SYTL5: variants seen among roughly 807,000 people sequenced by gnomAD.
The protein encoded by SYTL5 is synaptotagmin-like protein 5.
SYTL5 carries 34 observed loss-of-function variants against 55.9 expected under a neutral mutation model. That is an observed-to-expected ratio of 0.61 (90% confidence interval 0.46 to 0.81). The LOEUF is 0.81. Among genes scored for constraint, SYTL5 ranks in the 30% least tolerant of loss-of-function variants. The pLI, the probability that SYTL5 is intolerant of heterozygous loss-of-function variation, is 0.00. For synonymous variants in SYTL5, 221 were observed against 188.7 expected, an observed-to-expected ratio of 1.17 and a Z score of -1.40; for missense variants, 637 against 546.7, an observed-to-expected ratio of 1.17 and a Z score of -1.65.
chrX:37,919,551 C>T, the SYTL5 span, among the ~76,000 whole-genome samples: 2 of 111,791 alleles, frequency 1.8e-5, no homozygotes, highest in African/African-American at 6.5e-5. Flanking sequence ...TGTAAACTCA[C>T]CCTTGCTCTT....
chrX:38,002,007 C>T (rs1318529616), upstream of SYTL5, among the ~76,000 whole-genome samples: 1 of 109,421 alleles, frequency 9.1e-6, no homozygotes, highest in East Asian at 2.9e-4. Context: ...TAATGCTATC[C>T]CTCCCCACTC....
chrX:37,943,770 G>A, the SYTL5 span, among the ~76,000 whole-genome samples: 7 of 110,960 alleles, frequency 6.3e-5, no homozygotes, highest in African/African-American at 2.3e-4. Flanking sequence ...CTGGCAGTGT[G>A]GTCTTTAACA....
At chrX:38,095,485 A>T (rs1271220184) in intron 8 of SYTL5, among the ~76,000 whole-genome samples, 2 of 112,101 alleles carry the variant, frequency 1.8e-5, no homozygotes, top group Admixed American at 1.9e-4. Context: ...TGTGGAAATA[A>T]GCTGTCCTGA....
At chrX:37,916,917 G>T in the SYTL5 span, among the ~76,000 whole-genome samples, 4 of 111,165 alleles carry the variant, frequency 3.6e-5, no homozygotes, top group African/African-American at 1.3e-4. Flanking sequence ...AGGATCCCAC[G>T]CAGTCTTCAT....
intron 7 of SYTL5, among the ~76,000 whole-genome samples, chrX:38,090,653 G>A (rs922656285): frequency 1.8e-5 from 2 of 111,976 alleles, no homozygotes; most frequent in Admixed American, 9.6e-5. Flanking sequence ...CTATATGACA[G>A]GCTCTAGTCA....
intron 8 of SYTL5, 142 bp from the exon 9 acceptor site, chrX:38,095,992 C>A: frequency 2.7e-6 from 1 of 368,748 alleles, no homozygotes; most frequent in Non-Finnish European, 4.7e-6. Context: ...AAGTTACTGA[C>A]TCCGACTGTT....
intron 8 of SYTL5, among the ~76,000 whole-genome samples, chrX:38,095,441 T>C (rs1406517026): frequency 8.9e-6 from 1 of 112,016 alleles, no homozygotes; most frequent in Non-Finnish European, 1.9e-5. Context: ...AGTAACTATA[T>C]TGATCTCAGT....
chrX:38,003,787 C>G (rs1054060513), upstream of SYTL5, among the ~76,000 whole-genome samples: 2 of 111,899 alleles, frequency 1.8e-5, no homozygotes, highest in Non-Finnish European at 3.8e-5. Context: ...AGTGGTTGTA[C>G]TAATTTGTAT....
chrX:37,898,410 C>T, the SYTL5 span, among the ~76,000 whole-genome samples: 3 of 112,067 alleles, frequency 2.7e-5, no homozygotes, highest in East Asian at 8.4e-4. Flanking sequence ...ATTTCAGGAG[C>T]TGACTTGCTT....
chrX:38,098,560 T>C (rs892209167), intron 9 of SYTL5, among the ~76,000 whole-genome samples: 2 of 110,633 alleles, frequency 1.8e-5, no homozygotes, highest in African/African-American at 6.5e-5. Flanking sequence ...TTGATGAGGA[T>C]GCGGAGAAAT....
rs916646208 is a variant in SYTL5 at position 38,120,117 on chromosome X, C to G, written c.1597-241C>G. On this transcript the variant is annotated intron_variant, in intron 13 of 16. Coordinates refer to ENST00000297875, the MANE Select transcript of SYTL5 (RefSeq NM_138780.3). ...GACTGGCCAAATATAAGTTATATGTCTTCTTTCAAATTTCTTTTACTTAAA... is the reference window on the plus strand; with the variant it reads ...GACTGGCCAAATATAAGTTATATGTGTTCTTTCAAATTTCTTTTACTTAAA... Among the ~76,000 whole-genome samples the G allele has an allele frequency of 3.6e-5, 4 of 112,390 alleles. No homozygotes were observed. The East Asian group carries it at 8.3e-4, about 23-fold the overall frequency.
chrX:37,895,505 T>TTTCTTTTCTTTTC, the SYTL5 span, among the ~76,000 whole-genome samples: 1 of 99,246 alleles, frequency 1.0e-5, no homozygotes, highest in African/African-American at 4.1e-5. Flanking sequence ...TCTTTCTTTC[T>TTTCTTTTCTTTTC]TTTTCTTTTC....
At chrX:38,067,483 C>T (rs187918677) in intron 3 of SYTL5, among the ~76,000 whole-genome samples, 96 of 110,600 alleles carry the variant, frequency 8.7e-4, no homozygotes, top group African/African-American at 2.8e-3. Context: ...TTTTTGTGTA[C>T]TCTTTGCCTC....
At chrX:38,087,382 T>A (rs988863035) in intron 6 of SYTL5, among the ~76,000 whole-genome samples, 2 of 111,919 alleles carry the variant, frequency 1.8e-5, no homozygotes, top group African/African-American at 6.5e-5. Flanking sequence ...AATGTAGAAA[T>A]GTCATGCTTC....
At chrX:37,935,503 A>G in the SYTL5 span, among the ~76,000 whole-genome samples, 1 of 112,622 alleles carries the variant, frequency 8.9e-6, no homozygotes, top group Non-Finnish European at 1.9e-5. Flanking sequence ...CTCCTCTTTG[A>G]TTTAAAAGGC....
the SYTL5 span, among the ~76,000 whole-genome samples, chrX:37,929,341 A>C: frequency 9.0e-6 from 1 of 111,585 alleles, no homozygotes; most frequent in East Asian, 2.8e-4. Context: ...CTAAAGAGGA[A>C]GGGGGTCAAT....
At chrX:38,046,322 G>A (rs1014953080) in intron 2 of SYTL5, among the ~76,000 whole-genome samples, 2 of 112,013 alleles carry the variant, frequency 1.8e-5, no homozygotes, top group Non-Finnish European at 3.8e-5. Flanking sequence ...AAAGAAAAAG[G>A]TTTAATGGAC....
At chrX:38,043,657 G>GTGTGTATATATA (rs1569165878) in intron 2 of SYTL5, among the ~76,000 whole-genome samples, 8 of 39,354 alleles carry the variant, frequency 2.0e-4, no homozygotes, top group Admixed American at 4.0e-4. Context: ...ATGTATGTAT[G>GTGTGTATATATA]TATGTATATA....
chrX:38,120,519 G>A (rs1937559718), intron 14 of SYTL5, 53 bp downstream of exon 14: 2 of 923,293 alleles, frequency 2.2e-6, no homozygotes, highest in East Asian at 3.1e-5. Context: ...CTAGAAGTGT[G>A]GTAGTGGGAC....
Sources: allele counts gnomAD v4.1 joint callset (sites outside exome capture counted in the v4.1 genomes callset), GRCh38; gene constraint gnomAD v4.1.1; transcripts MANE v1.5; gene names NCBI Gene and HGNC (gene_info 2026-07-23, HGNC 2026-07-21).